MLH3: variants seen among roughly 807,000 people sequenced by gnomAD.
MLH3 encodes mutL homolog 3, also known as DNA mismatch repair protein Mlh3.
MLH3 carries 82 observed loss-of-function variants against 122.2 expected under a neutral mutation model. The observed-to-expected ratio is 0.67, with a 90% CI of 0.56 to 0.81. The LOEUF (loss-of-function observed/expected upper bound fraction) is 0.81, where lower values mean the gene tolerates loss of function less well. Ranked by LOEUF, MLH3 falls within the 30% of genes least tolerant of loss-of-function variation. MLH3 has a pLI of 0.00. For missense variants in MLH3, 1,539 were observed against 1,714.5 expected, an observed-to-expected ratio of 0.90 and a Z score of 1.81; for synonymous variants, 524 against 599.5, an observed-to-expected ratio of 0.87 and a Z score of 1.84.
chr14:75,035,731 A>G (rs1891360740), intron 6 of MLH3, among the ~76,000 whole-genome samples: 1 of 152,168 alleles, frequency 6.6e-6, no homozygotes, highest in African/African-American at 2.4e-5. Context: ...ACTTGCCTGC[A>G]GGTACTATCA....
rs1566602178 is a variant in MLH3 at position 75,046,509 on chromosome 14, A to G, written c.3147T>C (p.Asp1049=). 6 of 1,614,222 alleles carry G rather than the reference A, an allele frequency of 3.7e-6. No homozygotes were observed. Among genetic ancestry groups the G allele is most frequent in the Non-Finnish European group, 4.2e-6 (5 of 1,180,034 alleles). Residue 1049 remains aspartate (D), a synonymous_variant, in exon 2 of 13, where the codon GAT becomes GAC. Coordinates refer to ENST00000355774, the MANE Select transcript of MLH3 (RefSeq NM_001040108.2). The part of the protein sequence containing the change: ...TCCSDWQRHF[D]VALGRMVYVN... Reference sequence around the variant, plus strand: ...CATAAACCATTCTTCCCAGGGCTACATCGAAATGCCGCTGCCAATCTGAAC... The same window carrying G: ...CATAAACCATTCTTCCCAGGGCTACGTCGAAATGCCGCTGCCAATCTGAAC...
In MLH3 at chr14:75,033,443, T is replaced by C; in HGVS notation, c.3691A>G (p.Ile1231Val). ...LVDQHAAHER[I>V]RLEQLIIDSY... ...CCAATGATAAGCTGCTCCAGACGTATACGCTCATGGGCAGCGTGCTGATCC... is the reference window on the plus strand; with the variant it reads ...CCAATGATAAGCTGCTCCAGACGTACACGCTCATGGGCAGCGTGCTGATCC... Residue 1231 changes from isoleucine to valine, a missense_variant, in exon 7 of 13, where the codon ATA becomes GTA. Ile to Val is a conservative substitution (Grantham distance 29, BLOSUM62 3). Transcript: ENST00000355774. 1 of 1,614,164 alleles carries C rather than the reference T, an allele frequency of 6.2e-7. No homozygotes were observed. Among genetic ancestry groups the C allele is most frequent in the South Asian group, 1.1e-5 (1 of 91,086 alleles).
chr14:75,030,581 GA>G lies in MLH3; in HGVS notation c.3948del (p.Arg1317GlyfsTer7). ...LCFVEREANELRRGRSTVTKS... is the reference protein window; with the variant it reads ...LCFVEREANEXRRGRSTVTKS... The stretch of plus-strand genomic sequence containing the variant: ...TTGGTCACAGTAGATCTTCCTCTCC[GA>G]AGTTCATTGGCTTCTCTTTCCACAA... On this transcript the variant is annotated frameshift_variant, in exon 9 of 13. Coordinates refer to ENST00000355774, the MANE Select transcript of MLH3 (RefSeq NM_001040108.2). LOFTEE classifies it high-confidence loss of function. 1 of 1,614,052 alleles carries G rather than the reference GA, an allele frequency of 6.2e-7. No individual in the cohort carries two copies. Among genetic ancestry groups the G allele is most frequent in the Non-Finnish European group, 8.5e-7 (1 of 1,179,988 alleles).
intron 4 of MLH3, among the ~76,000 whole-genome samples, chr14:75,040,613 A>C (rs974415044): frequency 2.0e-5 from 3 of 152,134 alleles, no homozygotes; most frequent in African/African-American, 7.2e-5. Flanking sequence ...TCCTCAAATG[A>C]TATCTTGAGG....
In MLH3 at chr14:75,046,582, T is replaced by C; in HGVS notation, c.3074A>G (p.Glu1025Gly). 6.2e-7 allele frequency: 1 copy of C among 1,614,202 alleles called. No individual in the cohort carries two copies. The highest frequency in any genetic ancestry group is 8.5e-7 in the Non-Finnish European group (1 of 1,180,024). ...TTCAGAACAAGCTCTTGCTTTAGATTCCTCACTCTGAAAACAAATTCCATT... is the reference window on the plus strand; with the variant it reads ...TTCAGAACAAGCTCTTGCTTTAGATCCCTCACTCTGAAAACAAATTCCATT... ...DQNGICFQSE[E>G]SKARACSETE... The change falls in exon 2 of 13, where the codon GAA (glutamate) becomes GGA (glycine). Residue 1025 changes from glutamate (E) to glycine (G), a missense_variant. Coordinates refer to ENST00000355774, the MANE Select transcript of MLH3 (RefSeq NM_001040108.2).
At chr14:75,028,628 G>A (rs894360953) in intron 9 of MLH3, among the ~76,000 whole-genome samples, 1 of 151,118 alleles carries the variant, frequency 6.6e-6, no homozygotes, top group African/African-American at 2.4e-5. Context: ...ATGTTGGCCA[G>A]GCTGGTCTTG....
chr14:75,039,937 T>A lies in MLH3; in HGVS notation c.3544A>T (p.Thr1182Ser). 1 of 1,577,218 alleles carries A rather than the reference T, an allele frequency of 6.3e-7. No individual in the cohort carries two copies. Among genetic ancestry groups the A allele is most frequent in the Non-Finnish European group, 8.7e-7 (1 of 1,154,528 alleles). Reference protein sequence around the residue: ...IHNILYPYRFTKGMIHSMQVL... With the variant: ...IHNILYPYRFSKGMIHSMQVL... ...TGCATTGAATGAATCATTCCTTTGG[T>A]GAAACGATAGGGATACAAGATGTTG... Residue 1182 changes from threonine (T) to serine (S), a missense_variant, in exon 5 of 13, where the codon ACC (threonine) becomes TCC (serine). Coordinates refer to ENST00000355774, the MANE Select transcript of MLH3 (RefSeq NM_001040108.2).
rs770331614 is a variant in MLH3, at chr14:75,047,966, G to A, written c.1690C>T (p.Pro564Ser). 1.2e-5 allele frequency: 20 copies of A among 1,614,104 alleles called. No homozygotes were observed. Among genetic ancestry groups the A allele is most frequent in the Non-Finnish European group, 1.6e-5 (19 of 1,180,002 alleles). ...FKDATEVGCQ[P>S]LPFATTLWGV... ...CATAATGTTGTTGCAAAAGGCAGAG[G>A]CTGGCATCCCACTTCAGTAGCATCT... Residue 564 changes from proline to serine, a missense_variant, in exon 2 of 13, where the codon CCT becomes TCT. By Grantham distance (74) the Pro-to-Ser change is moderately conservative. Transcript: ENST00000355774.
Position 75,038,406 on chromosome 14 carries a change from G to A in MLH3, c.3577C>T (p.Gln1193Ter). ...GCAATAAACTTGTTATCTACTTGCT[G>A]GAGAACCTGTCAGACATTCAAATAA... ...KGMIHSMQVL[Q>*]QVDNKFIACL... is the part of the protein sequence containing the mutation. The change falls in exon 6 of 13, where the codon CAG becomes TAG. Residue 1193 changes from glutamine to a stop codon, truncating the protein, a stop_gained. Coordinates refer to ENST00000355774, the MANE Select transcript of MLH3 (RefSeq NM_001040108.2). LOFTEE classifies it high-confidence loss of function. 1 of 1,607,850 alleles carries A rather than the reference G, an allele frequency of 6.2e-7. No homozygotes were observed. Among genetic ancestry groups the A allele is most frequent in the African/African-American group, 1.3e-5 (1 of 74,904 alleles).
At chr14:75,041,726 T>G (rs1446475461) in intron 3 of MLH3, 26 bp from the exon 4 acceptor site, 1 of 1,570,220 alleles carries the variant, frequency 6.4e-7, no homozygotes, top group Admixed American at 1.7e-5. Flanking sequence ...ACAGGTAAAG[T>G]TGGCATCCAG....
chr14:75,031,582 G>C (rs1305392495), intron 8 of MLH3, among the ~76,000 whole-genome samples: 2 of 152,258 alleles, frequency 1.3e-5, no homozygotes, highest in South Asian at 4.1e-4. Flanking sequence ...GGAGGCCAAA[G>C]TGGGAGGATC....
chr14:75,039,681 C>T (rs1891672147), intron 5 of MLH3, among the ~76,000 whole-genome samples: 2 of 151,708 alleles, frequency 1.3e-5, no homozygotes, highest in Non-Finnish European at 2.9e-5. Flanking sequence ...AACCTACTTA[C>T]ACTACTAAAG....
At chr14:75,019,064 A>G in intron 11 of MLH3, 84 bp from the exon 12 acceptor site, 1 of 1,223,218 alleles carries the variant, frequency 8.2e-7, no homozygotes, top group South Asian at 1.2e-5. Context: ...AAATATCTGG[A>G]AAAAGTAACA....
At chr14:75,030,725 TAA>T (rs761256304) in intron 8 of MLH3, 23 bp from the exon 9 acceptor site, 80 of 1,325,112 alleles carry the variant, frequency 6.0e-5, no homozygotes, top group Non-Finnish European at 7.1e-5. Flanking sequence ...CCTCAAATGT[TAA>T]AAAAAAAAAG....
chr14:75,046,335 T>C (rs913569804), intron 2 of MLH3, 41 bp downstream of exon 2: 1 of 1,605,960 alleles, frequency 6.2e-7, no homozygotes, highest in Non-Finnish European at 8.5e-7. Context: ...AGCATTCCCA[T>C]CTTCAAAAGC....
At chr14:75,037,741 C>T (rs567181277) in intron 6 of MLH3, among the ~76,000 whole-genome samples, 5 of 151,822 alleles carry the variant, frequency 3.3e-5, no homozygotes, top group Non-Finnish European at 4.4e-5. Context: ...TAGCTTAAGC[C>T]CAGGAGTTCG....
rs2139387290 is a variant in MLH3 at position 75,030,675 on chromosome 14, C to T, written c.3855G>A (p.Leu1285=). 6.2e-7 allele frequency: 1 copy of T among 1,613,936 alleles called. No individual in the cohort carries two copies. Among genetic ancestry groups the T allele is most frequent in the Non-Finnish European group, 8.5e-7 (1 of 1,179,922 alleles). Reference sequence around the variant, plus strand: ...TGTCTGGAAATACAAATTCAAGGCCCAGATCTTCCAGATTTTTGTGGTAAC... The same window carrying T: ...TGTCTGGAAATACAAATTCAAGGCCTAGATCTTCCAGATTTTTGTGGTAAC... The part of the protein sequence containing the change: ...LWCYHKNLED[L]GLEFVFPDTS... Residue 1285 remains leucine, a synonymous_variant, in exon 9 of 13, where the codon CTG becomes CTA. Coordinates refer to ENST00000355774, the MANE Select transcript of MLH3 (RefSeq NM_001040108.2).
chr14:75,026,220 C>T (rs1427091849), intron 9 of MLH3, among the ~76,000 whole-genome samples: 2 of 152,102 alleles, frequency 1.3e-5, no homozygotes, highest in East Asian at 1.9e-4. Context: ...GTGGATTTGC[C>T]TGTGCTCCAA....
intron 2 of MLH3, among the ~76,000 whole-genome samples, chr14:75,044,074 A>G (rs965088256): frequency 2.6e-5 from 4 of 151,890 alleles, no homozygotes; most frequent in Admixed American, 1.3e-4. Context: ...GGGCAACAAG[A>G]GCGAAACTCC....
Sources: gnomAD v4.1 joint callset for allele counts (sites outside exome capture counted in the v4.1 genomes callset) on GRCh38, gnomAD v4.1.1 for gene constraint, MANE v1.5 for transcripts, NCBI Gene and HGNC (gene_info 2026-07-23, HGNC 2026-07-21) for gene names.